The following DLGAP1 variants were observed in gnomAD, a reference collection of about 807,000 sequenced individuals.
DLGAP1 encodes disks large-associated protein 1.
In DLGAP1, 11 loss-of-function variants were observed where a neutral mutation model predicts 90.8. The observed-to-expected ratio is 0.12, with a 90% CI of 0.08 to 0.20. The LOEUF is 0.20. Among genes scored for constraint, DLGAP1 ranks in the 10% least tolerant of loss-of-function variants. The pLI is 1.00. For synonymous variants in DLGAP1, 558 were observed against 540.7 expected, an observed-to-expected ratio of 1.03 and a Z score of -0.44; for missense variants, 1,050 against 1,333.8, an observed-to-expected ratio of 0.79 and a Z score of 3.31.
chr18:3,960,307 C>A (rs1398136067), intron 3 of DLGAP1, among the ~76,000 whole-genome samples: 1 of 152,196 alleles, frequency 6.6e-6, no homozygotes, highest in Non-Finnish European at 1.5e-5. Flanking sequence ...GTCTCCTTTG[C>A]TGATTCATTG....
In DLGAP1 at chr18:3,601,439, G is replaced by GGTGTGT. The variant is rs112583120; in HGVS notation, c.1592-19197_1592-19192dup. Among the ~76,000 whole-genome samples the GGTGTGT allele has an allele frequency of 1.8e-4, 27 of 148,112 alleles. No homozygotes were observed. In the East Asian group the frequency reaches 3.0e-3, roughly 16 times the overall value. On this transcript the variant is annotated intron_variant, in intron 7 of 12. Coordinates refer to ENST00000315677, the MANE Select transcript of DLGAP1 (RefSeq NM_004746.4). Reference sequence around the variant, plus strand: ...CAGATAAACACTTCACATATGCAAGGGTGTGTGTGTGTGTGTGTGTGTGTT... The same window carrying GGTGTGT: ...CAGATAAACACTTCACATATGCAAGGGTGTGTGTGTGTGTGTGTGTGTGTGTGTGTT...
chr18:4,411,022 G>A (rs558676383), intron 1 of DLGAP1, among the ~76,000 whole-genome samples: 1 of 152,290 alleles, frequency 6.6e-6, no homozygotes, highest in African/African-American at 2.4e-5. Flanking sequence ...GACATCTCTG[G>A]AGAACAGTCC....
intron 2 of DLGAP1, among the ~76,000 whole-genome samples, chr18:4,034,340 C>A (rs2074854091): frequency 6.6e-6 from 1 of 152,156 alleles, no homozygotes; most frequent in Non-Finnish European, 1.5e-5. Context: ...CTGCGCCCGG[C>A]TGCAAATTTT....
chr18:3,937,998 A>C (rs919946920), intron 3 of DLGAP1, among the ~76,000 whole-genome samples: 2 of 152,226 alleles, frequency 1.3e-5, no homozygotes, highest in Non-Finnish European at 2.9e-5. Flanking sequence ...CTCAGCAAGT[A>C]TTAGTTATTA....
chr18:3,862,607 T>C (rs1337447437), intron 4 of DLGAP1, among the ~76,000 whole-genome samples: 1 of 152,160 alleles, frequency 6.6e-6, no homozygotes, highest in Admixed American at 6.5e-5. Context: ...GCACATGACG[T>C]GCCCAGCACA....
Position 3,581,916 on chromosome 18 carries a change from CCTT to C in DLGAP1, c.1921_1923del (p.Lys641del). On this transcript the variant is annotated inframe_deletion, in exon 8 of 13. Transcript: ENST00000315677. ...AGGCATCGATTTTTCTTAAAGTGGT[CCTT>C]CTTCCTGTCCTCCGTGGTGACGGTG... 6.2e-7 allele frequency: 1 copy of C among 1,614,152 alleles called. No individual in the cohort carries two copies. Among genetic ancestry groups the C allele is most frequent in the East Asian group, 2.2e-5 (1 of 44,882 alleles).
intron 4 of DLGAP1, among the ~76,000 whole-genome samples, chr18:3,828,872 C>T (rs1318405635): frequency 6.6e-6 from 1 of 151,952 alleles, no homozygotes; most frequent in Non-Finnish European, 1.5e-5. Flanking sequence ...TTTTGAAATG[C>T]CCAACTACAG....
intron 1 of DLGAP1, among the ~76,000 whole-genome samples, chr18:4,164,660 G>A (rs1313476322): frequency 6.6e-6 from 1 of 151,988 alleles, no homozygotes; most frequent in East Asian, 1.9e-4. Context: ...AGCCTGGGCA[G>A]CAGAGAAAGA....
At chr18:4,375,341 AATACTT>A (rs2081994503) in intron 1 of DLGAP1, among the ~76,000 whole-genome samples, 2 of 152,150 alleles carry the variant, frequency 1.3e-5, no homozygotes, top group African/African-American at 4.8e-5. Flanking sequence ...TGGTCCTGTT[AATACTT>A]TTCACCCAAC....
chr18:4,383,171 T>C lies in DLGAP1; in HGVS notation c.-267+71835A>G, dbSNP rs1316662776. ...TGTCCTAAGAATTACTGCATCATTA[T>C]CCAGATAGAACAAAAGCACAAACAA... On this transcript the variant is annotated intron_variant, in intron 1 of 12. Transcript: ENST00000315677. This position sits in a 1 kb window ranked among gnomAD's most constrained non-coding sequence, Gnocchi z 4.0. Among the ~76,000 whole-genome samples the C allele has an allele frequency of 2.6e-5, 4 of 152,152 alleles. No homozygotes were observed. Among genetic ancestry groups the C allele is most frequent in the Non-Finnish European group, 5.9e-5 (4 of 68,012 alleles).
At chr18:3,581,824 A>C (rs1485839922) in intron 8 of DLGAP1, 51 bp downstream of exon 8, 1 of 1,591,960 alleles carries the variant, frequency 6.3e-7, no homozygotes, top group African/African-American at 1.3e-5. Context: ...AAAGTGTTAC[A>C]TTCCTTAGTT....
At position 3,729,378 on chromosome 18, in the gene DLGAP1, G is replaced by A. The variant is rs149516374; in HGVS notation, c.1351-3C>T. On this transcript the variant is annotated splice_region_variant and splice_polypyrimidine_tract_variant and intron_variant, in intron 6 of 12. Transcript: ENST00000315677. This position sits in a 1 kb window ranked among gnomAD's most constrained non-coding sequence, Gnocchi z 6.2. ...CCGTTCACTTCCATCTCGCTCACCT[G>A]CGGGCAGACACAGGCGTTGTGACAC... The A allele has an allele frequency of 2.0e-4, 318 of 1,609,060 alleles. 2 individuals carry two copies. In the African/African-American group the frequency reaches 3.7e-3, roughly 19 times the overall value.
At chr18:4,299,104 A>AAAAC (rs2080061994) in intron 1 of DLGAP1, among the ~76,000 whole-genome samples, 3 of 131,756 alleles carry the variant, frequency 2.3e-5, no homozygotes, top group South Asian at 2.5e-4. Flanking sequence ...AAAAAAAAAA[A>AAAAC]AAAAAATAGA....
intron 1 of DLGAP1, among the ~76,000 whole-genome samples, chr18:4,317,013 G>T (rs1296922070): frequency 7.1e-6 from 1 of 141,514 alleles, no homozygotes; most frequent in Admixed American, 7.0e-5. Context: ...AGGTCTACTG[G>T]TGAGGTCCCT....
intron 2 of DLGAP1, among the ~76,000 whole-genome samples, chr18:4,138,310 TC>T (rs67374635): frequency 0.1 from 15,121 of 151,782 alleles, 898 homozygotes; most frequent in East Asian, 0.19. Context: ...TGAAGGTTTT[TC>T]TTTTTTAATC....
intron 2 of DLGAP1, among the ~76,000 whole-genome samples, chr18:4,095,053 A>T (rs566075755): frequency 6.6e-6 from 1 of 152,320 alleles, no homozygotes; most frequent in South Asian, 2.1e-4. Flanking sequence ...TAATATAAAA[A>T]GCAAGATTCA....
Position 3,970,781 on chromosome 18 carries a change from TG to T in DLGAP1, c.-73+34334del, listed in dbSNP as rs375131998. 1.8e-4 allele frequency among the ~76,000 whole-genome samples: 28 copies of T among 152,304 alleles called. No individual in the cohort carries two copies. The East Asian group carries it at 2.7e-3, about 15-fold the overall frequency. ...GACATTAATATTAACATTAAAAATC[TG>T]GAAGCAAAAGGGTTTCTTCCCCCTA... is the stretch of plus-strand genomic sequence containing the variant. On this transcript the variant is annotated intron_variant, in intron 3 of 12. Transcript: ENST00000315677.
At chr18:4,092,486 T>C (rs1025471864) in intron 2 of DLGAP1, among the ~76,000 whole-genome samples, 2 of 152,136 alleles carry the variant, frequency 1.3e-5, no homozygotes, top group Non-Finnish European at 2.9e-5. Context: ...GTCCATCCCC[T>C]TGTGGTAGGA....
chr18:4,183,947 G>C (rs1450145841), intron 1 of DLGAP1, among the ~76,000 whole-genome samples: 1 of 152,136 alleles, frequency 6.6e-6, no homozygotes, highest in Admixed American at 6.6e-5. Flanking sequence ...TTGTTGCAGA[G>C]AGTGATGGTA....
Sources: gnomAD v4.1 joint callset for allele counts (sites outside exome capture counted in the v4.1 genomes callset) on GRCh38, gnomAD v4.1.1 for gene constraint, Gnocchi (gnomAD v3.1) non-coding constraint, MANE v1.5 for transcripts, NCBI Gene and HGNC (gene_info 2026-07-23, HGNC 2026-07-21) for gene names.